Variants in SPMAP2L observed in about 807,000 individuals in gnomAD.
SPMAP2L encodes sperm microtubule associated protein 2-like.
At chr4:56,535,044 G>A in the SPMAP2L span, among the ~76,000 whole-genome samples, 1 of 152,088 alleles carries the variant, frequency 6.6e-6, no homozygotes, top group Admixed American at 6.5e-5. Flanking sequence ...TCAGCAAATG[G>A]CACCACCATT....
chr4:56,583,214 G>A, the SPMAP2L span, among the ~76,000 whole-genome samples: 5 of 151,756 alleles, frequency 3.3e-5, no homozygotes, highest in Non-Finnish European at 5.9e-5. Flanking sequence ...GCGGAGGTTA[G>A]AGTGAGCCCA....
At chr4:56,613,073 A>G in the SPMAP2L span, among the ~76,000 whole-genome samples, 58 of 152,156 alleles carry the variant, frequency 3.8e-4, no homozygotes, top group Middle Eastern at 3.4e-3. Context: ...TCTCCCTTAT[A>G]TAACTCTTCC....
chr4:56,605,628 A>G, the SPMAP2L span, among the ~76,000 whole-genome samples: 1 of 152,248 alleles, frequency 6.6e-6, no homozygotes, highest in Non-Finnish European at 1.5e-5. Flanking sequence ...CTCTCTAGCT[A>G]GGAAAGCTGG....
chr4:56,598,797 C>T, the SPMAP2L span, among the ~76,000 whole-genome samples: 3 of 152,008 alleles, frequency 2.0e-5, no homozygotes, highest in South Asian at 6.2e-4. Flanking sequence ...CTCTGTGTCC[C>T]CACTCAAATC....
chr4:56,584,699 C>T, the SPMAP2L span: 1 of 911,456 alleles, frequency 1.1e-6, no homozygotes, highest in Non-Finnish European at 1.7e-6. Flanking sequence ...TTCCTTTCTT[C>T]CTGTTTATTT....
the SPMAP2L span, chr4:56,594,854 G>T: frequency 1.1e-5 from 17 of 1,605,122 alleles, no homozygotes; most frequent in Non-Finnish European, 1.4e-5. Flanking sequence ...AAATATGAAC[G>T]CTCAGGTGGG....
chr4:56,532,515 T>C, the SPMAP2L span, among the ~76,000 whole-genome samples: 1 of 152,172 alleles, frequency 6.6e-6, no homozygotes, highest in African/African-American at 2.4e-5. Flanking sequence ...ACACATATTC[T>C]AGAATCTTCC....
the SPMAP2L span, chr4:56,559,333 TTA>T: frequency 1.6e-6 from 2 of 1,226,968 alleles, no homozygotes; most frequent in South Asian, 4.0e-5. Context: ...GAGTCATTTT[TTA>T]TATTTTCACT....
At chr4:56,583,934 A>G in the SPMAP2L span, among the ~76,000 whole-genome samples, 1 of 152,170 alleles carries the variant, frequency 6.6e-6, no homozygotes, top group African/African-American at 2.4e-5. Flanking sequence ...ACACAAACAC[A>G]CATTTACATA....
At chr4:56,602,456 G>T in the SPMAP2L span, among the ~76,000 whole-genome samples, 1 of 152,272 alleles carries the variant, frequency 6.6e-6, no homozygotes, top group African/African-American at 2.4e-5. Flanking sequence ...AGTTTGGGAG[G>T]CCAAAGCAGA....
chr4:56,605,676 G>T, the SPMAP2L span, among the ~76,000 whole-genome samples: 3 of 152,058 alleles, frequency 2.0e-5, no homozygotes, highest in Non-Finnish European at 2.9e-5. Flanking sequence ...CAAGACACTA[G>T]GGCTCCTCAC....
At chr4:56,580,979 G>A in the SPMAP2L span, among the ~76,000 whole-genome samples, 1 of 152,072 alleles carries the variant, frequency 6.6e-6, no homozygotes, top group Non-Finnish European at 1.5e-5. Flanking sequence ...GAACTTTGAG[G>A]ACACTATGCT....
At chr4:56,582,704 G>A in the SPMAP2L span, among the ~76,000 whole-genome samples, 1 of 152,120 alleles carries the variant, frequency 6.6e-6, no homozygotes, top group Non-Finnish European at 1.5e-5. Context: ...CCAGCAATTA[G>A]ACTCCTAGAC....
chr4:56,613,765 T>C, the SPMAP2L span, among the ~76,000 whole-genome samples: 1 of 152,234 alleles, frequency 6.6e-6, no homozygotes, highest in African/African-American at 2.4e-5. Flanking sequence ...CTGCATCATA[T>C]GATTTCAGAT....
the SPMAP2L span, among the ~76,000 whole-genome samples, chr4:56,603,933 T>C: frequency 6.6e-6 from 1 of 152,204 alleles, no homozygotes; most frequent in Non-Finnish European, 1.5e-5. Flanking sequence ...TCACTTACCA[T>C]GAATGAGAGA....
chr4:56,591,626 G>A, the SPMAP2L span, among the ~76,000 whole-genome samples: 1 of 152,126 alleles, frequency 6.6e-6, no homozygotes, highest in South Asian at 2.1e-4. Flanking sequence ...AAACAGCACA[G>A]GAAGGAATTT....
the SPMAP2L span, among the ~76,000 whole-genome samples, chr4:56,599,331 G>A: frequency 6.6e-6 from 1 of 151,932 alleles, no homozygotes; most frequent in Non-Finnish European, 1.5e-5. Flanking sequence ...CCACAGACAT[G>A]CACCACCATG....
At chr4:56,596,251 G>A in the SPMAP2L span, among the ~76,000 whole-genome samples, 1 of 151,790 alleles carries the variant, frequency 6.6e-6, no homozygotes, top group African/African-American at 2.4e-5. Context: ...TCTAATAAAA[G>A]CATTTTGATT....
At chr4:56,624,709 G>A in the SPMAP2L span, among the ~76,000 whole-genome samples, 34 of 152,336 alleles carry the variant, frequency 2.2e-4, no homozygotes, top group African/African-American at 5.0e-4. Flanking sequence ...TTGAGCCTGC[G>A]GGTGCACAGA....
Sources: gnomAD v4.1 joint callset for allele counts (sites outside exome capture counted in the v4.1 genomes callset) on GRCh38, gnomAD v4.1.1 for gene constraint, MANE v1.5 for transcripts, NCBI Gene and HGNC (gene_info 2026-07-23, HGNC 2026-07-21) for gene names.